Variants in ABRAXAS2 observed in about 807,000 individuals in gnomAD.
The protein encoded by ABRAXAS2 is abraxas 2, BRISC complex subunit.
A neutral mutation model predicts 49.0 loss-of-function variants in ABRAXAS2; 23 were observed. The ratio of observed to expected loss-of-function variants is 0.47; its 90% CI spans 0.34 to 0.66. The LOEUF (loss-of-function observed/expected upper bound fraction) is 0.66. Among genes scored for constraint, ABRAXAS2 ranks in the 30% least tolerant of loss-of-function variants. ABRAXAS2 has a pLI of 0.01. For missense variants in ABRAXAS2, 443 were observed against 511.9 expected, an observed-to-expected ratio of 0.87 and a Z score of 1.30; for synonymous variants, 168 against 180.2, an observed-to-expected ratio of 0.93 and a Z score of 0.54.
intron 3 of ABRAXAS2, among the ~76,000 whole-genome samples, chr10:124,817,867 A>G (rs1950835333): frequency 6.6e-6 from 1 of 152,156 alleles, no homozygotes; most frequent in Non-Finnish European, 1.5e-5. Flanking sequence ...ACACATAAGC[A>G]AAACAGGAAT....
chr10:124,805,731 G>A, intron 1 of ABRAXAS2, among the ~76,000 whole-genome samples: 1 of 152,182 alleles, frequency 6.6e-6, no homozygotes, highest in Non-Finnish European at 1.5e-5. Context: ...CATTAAGTTG[G>A]TCAGGCAAGG....
At chr10:124,828,674 CTTT>C in intron 5 of ABRAXAS2, 79 bp from the exon 6 acceptor site, 11 of 1,125,132 alleles carry the variant, frequency 9.8e-6, no homozygotes, top group South Asian at 3.4e-5. Flanking sequence ...ACACCCAGCC[CTTT>C]TTTTTTTTAG....
chr10:124,833,755 T>C (rs1286022392), intron 8 of ABRAXAS2, among the ~76,000 whole-genome samples: 2 of 152,212 alleles, frequency 1.3e-5, no homozygotes, highest in South Asian at 2.1e-4. Context: ...TATGAGTGTG[T>C]ATCAGTTTTA....
At chr10:124,807,783 A>G (rs1950757099) in intron 2 of ABRAXAS2, among the ~76,000 whole-genome samples, 3 of 152,202 alleles carry the variant, frequency 2.0e-5, no homozygotes, top group South Asian at 4.1e-4. Flanking sequence ...CTGTGTGACC[A>G]CTTGATTGAT....
At chr10:124,822,791 CAAAA>C (rs538474876) in intron 4 of ABRAXAS2, among the ~76,000 whole-genome samples, 1 of 65,748 alleles carries the variant, frequency 1.5e-5, no homozygotes. Flanking sequence ...GACTCCAACT[CAAAA>C]AAAAAAAAAA....
Position 124,836,014 on chromosome 10 carries a change from G to C in ABRAXAS2, c.*1043G>C, listed in dbSNP as rs953209336. ...TGCAGTATGTGTAGAGACTCTCTTG[G>C]GATGCACTTATATTTTTATTTAATG... On this transcript the variant is annotated 3_prime_UTR_variant, in exon 9 of 9. Transcript: ENST00000298492. 1.3e-5 allele frequency: 2 copies of C among 152,466 alleles called. No individual in the cohort carries two copies. The highest frequency in any genetic ancestry group is 4.8e-5 in the African/African-American group (2 of 41,398). 9.4% of individuals were successfully genotyped at this position (152,466 alleles called of 1,614,324 possible).
intron 2 of ABRAXAS2, among the ~76,000 whole-genome samples, chr10:124,810,099 T>C (rs1363362544): frequency 6.6e-6 from 1 of 152,160 alleles, no homozygotes; most frequent in Non-Finnish European, 1.5e-5. Context: ...CAGCTAGTGT[T>C]AGTATATTTT....
intron 4 of ABRAXAS2, among the ~76,000 whole-genome samples, chr10:124,822,244 G>A (rs1163922307): frequency 6.6e-6 from 1 of 152,156 alleles, no homozygotes; most frequent in African/African-American, 2.4e-5. Flanking sequence ...AGGTTTTCAT[G>A]TAATGACATA....
At position 124,816,540 on chromosome 10, in the gene ABRAXAS2, G is replaced by A. The variant is rs1297138241; in HGVS notation, c.164-36G>A. ...TTTTATAGTTGCCTATGTCTTACAT[G>A]ATTAACTAAGATGTATTTCCTCTTT... On this transcript the variant is annotated intron_variant, in intron 2 of 8. Coordinates refer to ENST00000298492, the MANE Select transcript of ABRAXAS2 (RefSeq NM_032182.4). 4.7e-6 allele frequency: 7 copies of A among 1,495,848 alleles called. No homozygotes were observed. In the African/African-American group the frequency reaches 9.8e-5, roughly 21 times the overall value. The allele number at this position is 1,495,848 out of a possible 1,614,324, so 92.7% of individuals were successfully genotyped here.
In ABRAXAS2 at chr10:124,801,867, T is replaced by C. The variant is rs757736355; in HGVS notation, c.38T>C (p.Val13Ala). 1 of 1,613,340 alleles carries C rather than the reference T, an allele frequency of 6.2e-7. No homozygotes were observed. The highest frequency in any genetic ancestry group is 8.5e-7 in the Non-Finnish European group (1 of 1,179,794). Residue 13 changes from valine (V) to alanine (A), a missense_variant, in exon 1 of 9, where the codon GTG becomes GCG. Physicochemically the swap from Val to Ala is moderately conservative, Grantham distance 64. Coordinates refer to ENST00000298492, the MANE Select transcript of ABRAXAS2 (RefSeq NM_032182.4). The stretch of plus-strand genomic sequence containing the variant: ...ATTTCGGGCTACACCTTCAGTGCTG[T>C]GTGTTTCCACAGCGCCAACAGCAAC... ...ASISGYTFSA[V>A]CFHSANSNAD...
chr10:124,826,727 T>C lies in ABRAXAS2; in HGVS notation c.400T>C (p.Ser134Pro). ...DLVFLLFSFI[S>P]TANNSTHALE... ...CGTCTTTCTTCTCTTCAGCTTCATC[T>C]CCACTGCCAACAATTCCACTCACGC... The change falls in exon 5 of 9, where the codon TCC becomes CCC. Residue 134 changes from serine (S) to proline (P), a missense_variant. Coordinates refer to ENST00000298492, the MANE Select transcript of ABRAXAS2 (RefSeq NM_032182.4). 1 of 1,614,176 alleles carries C rather than the reference T, an allele frequency of 6.2e-7. No homozygotes were observed. Among genetic ancestry groups the C allele is most frequent in the Non-Finnish European group, 8.5e-7 (1 of 1,180,038 alleles).
intron 8 of ABRAXAS2, among the ~76,000 whole-genome samples, chr10:124,831,842 CTTT>C (rs71029219): frequency 0.012 from 461 of 37,642 alleles, 1 homozygote; most frequent in African/African-American, 0.032. Context: ...TGTGTCCTGT[CTTT>C]TTTTTTTTTT....
chr10:124,803,017 A>G (rs1950716689), intron 1 of ABRAXAS2, among the ~76,000 whole-genome samples: 1 of 152,234 alleles, frequency 6.6e-6, no homozygotes. Context: ...TTCCAGAAGC[A>G]GCTTTGAAGA....
At chr10:124,808,895 C>T (rs999360521) in intron 2 of ABRAXAS2, among the ~76,000 whole-genome samples, 2 of 152,106 alleles carry the variant, frequency 1.3e-5, no homozygotes, top group Admixed American at 6.6e-5. Flanking sequence ...CTTTGGGAGG[C>T]CAAGTTGGGC....
At chr10:124,831,840 G>GTATTTTTTTTTTTTTTTTTTT (rs1564925948) in intron 8 of ABRAXAS2, among the ~76,000 whole-genome samples, 1 of 106,208 alleles carries the variant, frequency 9.4e-6, no homozygotes. Flanking sequence ...ACTGTGTCCT[G>GTATTTTTTTTTTTTTTTTTTT]TCTTTTTTTT....
chr10:124,812,026 C>G (rs1950793040), intron 2 of ABRAXAS2, among the ~76,000 whole-genome samples: 1 of 152,190 alleles, frequency 6.6e-6, no homozygotes, highest in East Asian at 1.9e-4. Flanking sequence ...ATCCGCCCAC[C>G]TTGGCCTCCC....
chr10:124,828,406 C>T (rs532470109), intron 5 of ABRAXAS2, among the ~76,000 whole-genome samples: 1 of 152,206 alleles, frequency 6.6e-6, no homozygotes, highest in South Asian at 2.1e-4. Context: ...TTGCTGTTGC[C>T]CAGGCTGGAG....
intron 2 of ABRAXAS2, among the ~76,000 whole-genome samples, chr10:124,809,734 T>A (rs1166754729): frequency 6.6e-6 from 1 of 152,002 alleles, no homozygotes; most frequent in Non-Finnish European, 1.5e-5. Flanking sequence ...TGGTAAACTT[T>A]CTTCAAACAT....
At chr10:124,814,137 A>G (rs1295081235) in intron 2 of ABRAXAS2, among the ~76,000 whole-genome samples, 1 of 151,844 alleles carries the variant, frequency 6.6e-6, no homozygotes, top group Admixed American at 6.6e-5. Flanking sequence ...GATTACAGGC[A>G]TGCGCCACCA....
Sources: gnomAD v4.1 joint callset for allele counts (sites outside exome capture counted in the v4.1 genomes callset) on GRCh38, gnomAD v4.1.1 for gene constraint, MANE v1.5 for transcripts, NCBI Gene and HGNC (gene_info 2026-07-23, HGNC 2026-07-21) for gene names.